The following HM13 variants were observed in gnomAD, a reference collection of about 807,000 sequenced individuals.
The protein encoded by HM13 is signal peptide peptidase.
A neutral mutation model predicts 50.0 loss-of-function variants in HM13; 18 were observed. The observed-to-expected ratio is 0.36, with a 90% confidence interval of 0.25 to 0.53. The LOEUF is 0.53. Among genes scored for constraint, HM13 ranks in the 20% least tolerant of loss-of-function variants. The pLI is 0.90. For synonymous variants in HM13, 197 were observed against 232.6 expected (o/e 0.85, Z 1.39); for missense variants, 393 against 552.4 (o/e 0.71, Z 2.89).
chr20:31,547,697 G>A, intron 4 of HM13: 3 of 1,350,264 alleles, frequency 2.2e-6, no homozygotes, highest in Non-Finnish European at 3.1e-6. Flanking sequence ...CTTACCGTAA[G>A]TGGGGAATTA....
At chr20:31,565,806 G>A (rs1568801906) in intron 10 of HM13, among the ~76,000 whole-genome samples, 1 of 152,190 alleles carries the variant, frequency 6.6e-6, no homozygotes, top group Non-Finnish European at 1.5e-5. Flanking sequence ...TTACATAGCA[G>A]CTGTGGTGTC....
At chr20:31,554,134 C>T (rs1223182496) in intron 7 of HM13, among the ~76,000 whole-genome samples, 7 of 152,160 alleles carry the variant, frequency 4.6e-5, no homozygotes, top group African/African-American at 7.2e-5. Flanking sequence ...CATCCTCTCA[C>T]GTCCCCATCC....
rs549097208 is a variant in HM13 at position 31,543,827 on chromosome 20, G to A, written c.366-1120G>A. Among the ~76,000 whole-genome samples, 9 of 151,954 alleles carry A rather than the reference G, an allele frequency of 5.9e-5. No homozygotes were observed. The East Asian group carries it at 1.6e-3, about 26-fold the overall frequency. On this transcript the variant is annotated intron_variant, in intron 3 of 12. Coordinates refer to ENST00000398174, the MANE Select transcript of HM13 (RefSeq NM_178581.3). ...CGGGTGCCTATAGTCCCAGCTACTC[G>A]GGAGGCTGAGGCAGGAGAATGGCAT...
Position 31,568,222 on chromosome 20 carries a change from C to T in HM13, c.1179C>T (p.Ala393=), listed in dbSNP as rs1173828306. ...PRRRRPQNPS[A]IYEESNPKDP... is the part of the protein sequence containing the mutation. ...GCCGGCGCCCGCAGAATCCCAGCGCCATGTAATGCCCAGCGGGTGCCCACC... is the reference window on the plus strand; with the variant it reads ...GCCGGCGCCCGCAGAATCCCAGCGCTATGTAATGCCCAGCGGGTGCCCACC... Residue 393 remains alanine, a splice_region_variant and synonymous_variant, in exon 12 of 13, where the codon GCC becomes GCT. Transcript: ENST00000398174. 2 of 1,612,380 alleles carry T rather than the reference C, an allele frequency of 1.2e-6. No homozygotes were observed. Among genetic ancestry groups the T allele is most frequent in the East Asian group, 4.5e-5 (2 of 44,878 alleles).
intron 4 of HM13, among the ~76,000 whole-genome samples, chr20:31,545,545 A>G (rs1390494108): frequency 6.6e-6 from 1 of 152,180 alleles, no homozygotes; most frequent in Non-Finnish European, 1.5e-5. Context: ...CAGGATGATC[A>G]CTTGAGGCCA....
chr20:31,557,703 CTTTTTTTTTTTT>C (rs1180267680), intron 8 of HM13, among the ~76,000 whole-genome samples: 1 of 80,906 alleles, frequency 1.2e-5, no homozygotes, highest in Non-Finnish European at 2.2e-5. Flanking sequence ...GGCAGTGCTT[CTTTTTTTTTTTT>C]TTTTTTTTTT....
chr20:31,522,624 CTG>C (rs11469707), intron 1 of HM13, among the ~76,000 whole-genome samples: 41,331 of 151,646 alleles, frequency 0.27, 8,489 homozygotes, highest in African/African-American at 0.58. Context: ...CTACCAGACA[CTG>C]TGCTTGACCA....
Position 31,527,484 on chromosome 20 carries a change from A to G in HM13, c.184A>G (p.Asn62Asp), listed in dbSNP as rs368138547. ...LRSVRCARGK[N>D]ASDMPETITS... Reference sequence around the variant, plus strand: ...CCATTGTCATTCTTCTCTCCTCTAGAATGCTTCAGACATGCCTGAAACAAT... The same window carrying G: ...CCATTGTCATTCTTCTCTCCTCTAGGATGCTTCAGACATGCCTGAAACAAT... Residue 62 changes from asparagine to aspartate, a missense_variant and splice_region_variant, in exon 2 of 13, where the codon AAT becomes GAT. Coordinates refer to ENST00000398174, the MANE Select transcript of HM13 (RefSeq NM_178581.3). 6.2e-7 allele frequency: 1 copy of G among 1,611,858 alleles called. No individual in the cohort carries two copies. Among genetic ancestry groups the G allele is most frequent in the African/African-American group, 1.3e-5 (1 of 74,938 alleles).
At chr20:31,561,121 C>G (rs1367859727) in intron 9 of HM13, among the ~76,000 whole-genome samples, 1 of 152,200 alleles carries the variant, frequency 6.6e-6, no homozygotes, top group Non-Finnish European at 1.5e-5. Context: ...TGAACTATTA[C>G]GTCCACTGCA....
intron 2 of HM13, 107 bp from the exon 3 acceptor site, chr20:31,538,072 G>A (rs557888320): frequency 1.8e-4 from 230 of 1,295,192 alleles, no homozygotes; most frequent in Non-Finnish European, 2.3e-4. Context: ...ACTGTCCCCC[G>A]ACTCAAGAAG....
At chr20:31,546,044 C>CTTTTT (rs35862306) in intron 4 of HM13, among the ~76,000 whole-genome samples, 1 of 103,236 alleles carries the variant, frequency 9.7e-6, no homozygotes, top group Admixed American at 1.1e-4. Context: ...AAATCTAGCA[C>CTTTTT]TTTTTTTTTT....
At chr20:31,517,637 CAGG>C (rs1981877605) in intron 1 of HM13, among the ~76,000 whole-genome samples, 1 of 152,040 alleles carries the variant, frequency 6.6e-6, no homozygotes, top group Non-Finnish European at 1.5e-5. Flanking sequence ...ACAGGCAGAG[CAGG>C]AGAAGGTGGG....
intron 1 of HM13, among the ~76,000 whole-genome samples, chr20:31,522,788 A>G (rs1200332245): frequency 6.6e-6 from 1 of 152,174 alleles, no homozygotes; most frequent in Non-Finnish European, 1.5e-5. Context: ...TCGAGATACA[A>G]TGCTGAGTAC....
intron 1 of HM13, among the ~76,000 whole-genome samples, chr20:31,516,079 G>A (rs1049296563): frequency 6.6e-6 from 1 of 152,254 alleles, no homozygotes. Flanking sequence ...CTTAGGCTGA[G>A]AGACTCAAAC....
chr20:31,566,365 T>C, intron 11 of HM13, 70 bp downstream of exon 11: 1 of 1,265,562 alleles, frequency 7.9e-7, no homozygotes, highest in African/African-American at 1.5e-5. Flanking sequence ...TGGAACCTGC[T>C]GGGGGTATCT....
chr20:31,562,723 CTA>C, intron 10 of HM13: 1 of 152,270 alleles, frequency 6.6e-6, no homozygotes, highest in Non-Finnish European at 1.5e-5. Context: ...AACTCTTTTG[CTA>C]ATAACTCATT....
chr20:31,557,153 AGGGTAT>A (rs1485739308), intron 8 of HM13, among the ~76,000 whole-genome samples: 1 of 152,202 alleles, frequency 6.6e-6, no homozygotes. Context: ...TGAGGCCACG[AGGGTAT>A]GGGCTTGCAC....
At chr20:31,558,915 G>T (rs1236816204) in intron 8 of HM13, among the ~76,000 whole-genome samples, 1 of 151,548 alleles carries the variant, frequency 6.6e-6, no homozygotes, top group Admixed American at 6.6e-5. Flanking sequence ...TTTTGTTGTT[G>T]TTTTGTTTTG....
At chr20:31,538,152 C>G in intron 2 of HM13, 27 bp from the exon 3 acceptor site, 1 of 1,612,268 alleles carries the variant, frequency 6.2e-7, no homozygotes, top group Non-Finnish European at 8.5e-7. Flanking sequence ...CCCTAACTTC[C>G]TGTTTCTCTT....
Sources: allele counts gnomAD v4.1 joint callset (sites outside exome capture counted in the v4.1 genomes callset), GRCh38; gene constraint gnomAD v4.1.1; transcripts MANE v1.5; gene names NCBI Gene and HGNC (gene_info 2026-07-23, HGNC 2026-07-21).